The following ABI2 variants were observed in gnomAD, a reference collection of about 807,000 sequenced individuals.
ABI2 encodes the protein abelson interactor 2.
Under a neutral mutation model 59.2 loss-of-function variants are expected in ABI2, and 25 were observed. That is an observed-to-expected ratio of 0.42 (90% CI 0.31 to 0.59). ABI2 has a LOEUF of 0.59. ABI2 is among the 20% of genes least tolerant of loss of function. ABI2 has a pLI of 0.14. For synonymous variants in ABI2, 213 were observed against 235.5 expected (o/e 0.90, Z 0.87); for missense variants, 545 against 681.8 (o/e 0.80, Z 2.23).
At chr2:203,354,516 G>A (rs1396723175) in intron 1 of ABI2, among the ~76,000 whole-genome samples, 1 of 152,050 alleles carries the variant, frequency 6.6e-6, no homozygotes, top group African/African-American at 2.4e-5. Flanking sequence ...CAAGACCTTC[G>A]AAGGGACTGA....
intron 11 of ABI2, among the ~76,000 whole-genome samples, chr2:203,426,019 C>CAA (rs34530204): frequency 0.014 from 1,172 of 85,478 alleles, 24 homozygotes; most frequent in African/African-American, 0.036. Context: ...GAGACTGTCT[C>CAA]AAAAAAAAAA....
intron 4 of ABI2, among the ~76,000 whole-genome samples, chr2:203,382,503 T>G (rs963169187): frequency 6.6e-6 from 1 of 152,182 alleles, no homozygotes; most frequent in Non-Finnish European, 1.5e-5. Flanking sequence ...ATATATTTTG[T>G]GAAACTGAAA....
At chr2:203,349,376 A>G (rs1400354584) in intron 1 of ABI2, among the ~76,000 whole-genome samples, 1 of 152,096 alleles carries the variant, frequency 6.6e-6, no homozygotes, top group Non-Finnish European at 1.5e-5. Context: ...TGAAGTCTCC[A>G]TTAACATTTT....
chr2:203,391,696 C>T (rs1475082023), intron 5 of ABI2, among the ~76,000 whole-genome samples: 1 of 151,830 alleles, frequency 6.6e-6, no homozygotes, highest in East Asian at 1.9e-4. Context: ...TGGCATGCAC[C>T]TGTAGTCCCA....
intron 9 of ABI2, among the ~76,000 whole-genome samples, chr2:203,403,115 A>G (rs1336817351): frequency 6.6e-6 from 1 of 152,230 alleles, no homozygotes. Flanking sequence ...TGGCAAAGGA[A>G]AAGAGAACAT....
intron 4 of ABI2, among the ~76,000 whole-genome samples, chr2:203,384,820 A>T (rs149063023): frequency 1.3e-5 from 2 of 151,148 alleles, no homozygotes; most frequent in Non-Finnish European, 3.0e-5. Flanking sequence ...GCCCAAGCAG[A>T]TTCTTTTTTT....
intron 1 of ABI2, among the ~76,000 whole-genome samples, chr2:203,341,310 C>T (rs765880324): frequency 4.6e-5 from 7 of 152,176 alleles, no homozygotes; most frequent in African/African-American, 9.7e-5. Context: ...TACTCATTTC[C>T]AGTACCTGGA....
intron 1 of ABI2, among the ~76,000 whole-genome samples, chr2:203,361,946 C>T (rs2093579134): frequency 6.6e-6 from 1 of 152,208 alleles, no homozygotes; most frequent in African/African-American, 2.4e-5. Flanking sequence ...TGTGATCCTT[C>T]ATGAATCCTT....
chr2:203,354,105 C>T (rs996370730), intron 1 of ABI2, among the ~76,000 whole-genome samples: 14 of 152,114 alleles, frequency 9.2e-5, no homozygotes, highest in East Asian at 1.9e-4. Flanking sequence ...AGTGCGGTGG[C>T]GCAATCTCAG....
At chr2:203,424,599 A>G (rs764894486) in intron 11 of ABI2, among the ~76,000 whole-genome samples, 5 of 151,852 alleles carry the variant, frequency 3.3e-5, no homozygotes, top group South Asian at 2.1e-4. Context: ...GGGTTTTGCT[A>G]TGTTTCCCAG....
At chr2:203,392,311 CCACCAACAA>C (rs1471108009) in intron 5 of ABI2, among the ~76,000 whole-genome samples, 41 of 89,650 alleles carry the variant, frequency 4.6e-4, no homozygotes, top group South Asian at 1.2e-3. Context: ...ACCACCACCA[CCACCAACAA>C]CAACAACAAC....
In ABI2 at chr2:203,402,754, T is replaced by C; in HGVS notation, c.1192+20T>C. 6.5e-7 allele frequency: 1 copy of C among 1,550,016 alleles called. No individual in the cohort carries two copies. The highest frequency in any genetic ancestry group is 8.7e-7 in the Non-Finnish European group (1 of 1,155,278). On this transcript the variant is annotated intron_variant, in intron 9 of 11. Transcript: ENST00000261018. ...ATCCAGGTTAGTTTTTTTGTTTTTT[T>C]GCATTCTATAGAATGTATTTAATTA... is the stretch of plus-strand genomic sequence containing the variant.
chr2:203,353,593 C>T (rs989608798), intron 1 of ABI2, among the ~76,000 whole-genome samples: 2 of 152,192 alleles, frequency 1.3e-5, no homozygotes, highest in Admixed American at 1.3e-4. Flanking sequence ...GATTCTCCTG[C>T]CTCAGCCTCC....
chr2:203,342,852 C>G (rs929272269), intron 1 of ABI2, among the ~76,000 whole-genome samples: 3 of 152,040 alleles, frequency 2.0e-5, no homozygotes, highest in Admixed American at 2.0e-4. Context: ...ACACACACAT[C>G]TCATTGTTTT....
intron 1 of ABI2, 118 bp from the exon 2 acceptor site, chr2:203,366,759 A>G (rs550883553): frequency 1.0e-6 from 1 of 957,900 alleles, no homozygotes; most frequent in African/African-American, 1.7e-5. Flanking sequence ...CTGGTGGATT[A>G]GTTTTTTTAC....
chr2:203,358,071 T>TTGTG (rs71007506), intron 1 of ABI2, among the ~76,000 whole-genome samples: 6,120 of 128,720 alleles, frequency 0.048, 151 homozygotes, highest in African/African-American at 0.078. Context: ...CCTGGCCTGT[T>TTGTG]TGTGTGTGTG....
At chr2:203,423,169 A>G (rs1332708552) in intron 11 of ABI2, among the ~76,000 whole-genome samples, 1 of 152,090 alleles carries the variant, frequency 6.6e-6, no homozygotes, top group Non-Finnish European at 1.5e-5. Flanking sequence ...TTTTTGTTTT[A>G]CATTGTTATT....
intron 1 of ABI2, chr2:203,342,256 G>A (rs1364430813): frequency 8.9e-6 from 4 of 449,600 alleles, no homozygotes. Context: ...ACCAAGTCCA[G>A]TTCTGTTACC....
intron 9 of ABI2, among the ~76,000 whole-genome samples, chr2:203,408,016 A>T (rs1039681394): frequency 6.6e-6 from 1 of 152,202 alleles, no homozygotes; most frequent in African/African-American, 2.4e-5. Flanking sequence ...TGTCCTGGAG[A>T]AAAGTAGAAT....
Sources: gnomAD v4.1 joint callset for allele counts (sites outside exome capture counted in the v4.1 genomes callset) on GRCh38, gnomAD v4.1.1 for gene constraint, MANE v1.5 for transcripts, NCBI Gene and HGNC (gene_info 2026-07-23, HGNC 2026-07-21) for gene names.